RBFOX1: variants seen among roughly 807,000 people sequenced by gnomAD.
RBFOX1 encodes RNA binding fox-1 homolog 1, also known as RNA binding protein fox-1 homolog 1.
Under a neutral mutation model 57.7 loss-of-function variants are expected in RBFOX1, and 8 were observed. That is an observed-to-expected ratio of 0.14 (90% CI 0.08 to 0.25). The LOEUF (loss-of-function observed/expected upper bound fraction) is 0.25, where lower values mean the gene tolerates loss of function less well. Among genes scored for constraint, RBFOX1 ranks in the 10% least tolerant of loss-of-function variants. The probability of loss-of-function intolerance (pLI) is 1.00; values close to 1 mark genes in which losing one functional copy is unlikely to be tolerated. For synonymous variants in RBFOX1, 326 were observed against 222.4 expected, an observed-to-expected ratio of 1.47 and a Z score of -4.15; for missense variants, 611 against 548.5, an observed-to-expected ratio of 1.11 and a Z score of -1.14.
intron 4 of RBFOX1, among the ~76,000 whole-genome samples, chr16:5,928,625 C>A (rs931474215): frequency 2.0e-4 from 30 of 151,438 alleles, no homozygotes; most frequent in African/African-American, 7.0e-4. Context: ...CTGTCAGATT[C>A]TGGCCCTGTA....
intron 3 of RBFOX1, among the ~76,000 whole-genome samples, chr16:6,863,146 G>C (rs1321211306): frequency 6.6e-6 from 1 of 152,032 alleles, no homozygotes; most frequent in East Asian, 1.9e-4. Context: ...TAATAAGCAG[G>C]GGATCAAAAG....
chr16:7,332,616 G>C (rs1266513144), intron 4 of RBFOX1: 2 of 275,176 alleles, frequency 7.3e-6, no homozygotes, highest in Admixed American at 1.1e-4. Context: ...AGTAGGATGA[G>C]CTTATATCTC....
At position 5,903,743 on chromosome 16, in the gene RBFOX1, C is replaced by T. The variant is rs1044408430; in HGVS notation, c.351+36408C>T. Among the ~76,000 whole-genome samples, 8 of 152,324 alleles carry T rather than the reference C, an allele frequency of 5.3e-5. No individual in the cohort carries two copies. The East Asian group carries it at 9.7e-4, about 18-fold the overall frequency. On this transcript the variant is annotated intron_variant, in intron 4 of 19. Coordinates refer to the RBFOX1 transcript ENST00000641259. ...CTTTGTCTCTCCTCCTCCCACCCCA[C>T]AAACACTACCTATGAGAGCTAGGCT...
chr16:6,898,676 G>C (rs1300866650), intron 3 of RBFOX1, among the ~76,000 whole-genome samples: 3 of 152,050 alleles, frequency 2.0e-5, no homozygotes, highest in African/African-American at 7.2e-5. Context: ...TTCTGTGTGT[G>C]TACATGTGTA....
At chr16:6,308,954 C>T (rs979707993) in intron 1 of RBFOX1, among the ~76,000 whole-genome samples, 13 of 151,972 alleles carry the variant, frequency 8.6e-5, no homozygotes, top group Admixed American at 3.9e-4. Flanking sequence ...GCCAGAGGGA[C>T]GTCTCTCTGC....
At chr16:5,456,941 C>G (rs555206141) in intron 1 of RBFOX1, among the ~76,000 whole-genome samples, 1 of 152,296 alleles carries the variant, frequency 6.6e-6, no homozygotes, top group East Asian at 1.9e-4. Flanking sequence ...TTATCTTAGT[C>G]CGTTTGGGCT....
intron 1 of RBFOX1, among the ~76,000 whole-genome samples, chr16:6,224,432 G>A (rs1262184579): frequency 6.6e-6 from 1 of 152,098 alleles, no homozygotes; most frequent in Non-Finnish European, 1.5e-5. Flanking sequence ...CTTGTAAGCT[G>A]GATTCCTAAG....
intron 11 of RBFOX1, among the ~76,000 whole-genome samples, chr16:7,650,866 T>G (rs1430816642): frequency 6.6e-6 from 1 of 152,182 alleles, no homozygotes; most frequent in Non-Finnish European, 1.5e-5. Context: ...CCACTCATTT[T>G]CTCCCCAGTC....
intron 2 of RBFOX1, among the ~76,000 whole-genome samples, chr16:6,421,803 T>C (rs888879259): frequency 2.0e-5 from 3 of 151,822 alleles, no homozygotes; most frequent in Non-Finnish European, 4.4e-5. Context: ...TTTTATACCA[T>C]AAACCCAGTC....
At chr16:6,219,468 T>G (rs1292280475) in intron 1 of RBFOX1, among the ~76,000 whole-genome samples, 1 of 151,642 alleles carries the variant, frequency 6.6e-6, no homozygotes, top group Non-Finnish European at 1.5e-5. Flanking sequence ...AAAATATGTC[T>G]CGGTCAAGTC....
chr16:5,482,276 C>A (rs2069572401), intron 2 of RBFOX1, among the ~76,000 whole-genome samples: 1 of 152,176 alleles, frequency 6.6e-6, no homozygotes, highest in Non-Finnish European at 1.5e-5. Context: ...GGATAACTCT[C>A]TTCATCAGTT....
rs184602419 is a variant in RBFOX1, at chr16:5,519,347, A to G, written c.258+52093A>G. ...ACTATCCTGACTAACCTTCTCTGAG[A>G]TGGGGGATCTGTAAGTGCTCTCTTT... On this transcript the variant is annotated intron_variant, in intron 2 of 2. Transcript: ENST00000585867. Among the ~76,000 whole-genome samples the G allele has an allele frequency of 4.0e-3, 616 of 152,246 alleles. 4 individuals are homozygous for G. Among genetic ancestry groups the G allele is most frequent in the African/African-American group, 0.014 (566 of 41,556 alleles).
chr16:7,420,098 G>T (rs549508106), intron 4 of RBFOX1, among the ~76,000 whole-genome samples: 1 of 151,950 alleles, frequency 6.6e-6, no homozygotes, highest in Non-Finnish European at 1.5e-5. Context: ...CAGCCTTCCT[G>T]TTCAGCGTTT....
chr16:6,926,437 C>T (rs1398227926), intron 3 of RBFOX1, among the ~76,000 whole-genome samples: 6 of 152,186 alleles, frequency 3.9e-5, no homozygotes, highest in Non-Finnish European at 5.9e-5. Flanking sequence ...ATTTCCCCTG[C>T]CTCCTGATCG....
chr16:6,481,117 C>T (rs991181259), intron 2 of RBFOX1, among the ~76,000 whole-genome samples: 6 of 152,094 alleles, frequency 3.9e-5, no homozygotes, highest in Admixed American at 6.5e-5. Context: ...ATCAGCTTCC[C>T]GAGAGACAAT....
chr16:6,296,677 C>G (rs1028968457), intron 1 of RBFOX1, among the ~76,000 whole-genome samples: 2 of 152,278 alleles, frequency 1.3e-5, no homozygotes, highest in Non-Finnish European at 2.9e-5. Flanking sequence ...GCCTCGGCCT[C>G]CCAAAGTGCT....
intron 10 of RBFOX1, among the ~76,000 whole-genome samples, chr16:7,611,754 C>T (rs1159895038): frequency 2.0e-5 from 3 of 152,140 alleles, no homozygotes; most frequent in African/African-American, 7.2e-5. Flanking sequence ...TTCTCCCTCA[C>T]ACGTGCCTTC....
chr16:7,114,316 T>C (rs2065419845), intron 4 of RBFOX1, among the ~76,000 whole-genome samples: 1 of 152,174 alleles, frequency 6.6e-6, no homozygotes, highest in African/African-American at 2.4e-5. Flanking sequence ...AAAATATGAA[T>C]ACCTGGGTAG....
intron 4 of RBFOX1, among the ~76,000 whole-genome samples, chr16:5,873,983 GGAGAAT>G (rs1446657674): frequency 2.0e-5 from 3 of 152,192 alleles, no homozygotes; most frequent in African/African-American, 7.2e-5. Context: ...AAACAGTGAA[GGAGAAT>G]GATGTAATCA....
Sources: gnomAD v4.1 joint callset for allele counts (sites outside exome capture counted in the v4.1 genomes callset) on GRCh38, gnomAD v4.1.1 for gene constraint, MANE v1.5 for transcripts, NCBI Gene and HGNC (gene_info 2026-07-23, HGNC 2026-07-21) for gene names.